Variants in MEI1 observed in about 807,000 individuals in gnomAD.
MEI1 encodes the protein meiotic double-stranded break formation protein 1, also known as meiosis inhibitor protein 1.
A neutral mutation model predicts 146.2 loss-of-function variants in MEI1; 103 were observed. The ratio of observed to expected loss-of-function variants is 0.70; its 90% CI spans 0.60 to 0.83. The LOEUF (loss-of-function observed/expected upper bound fraction) is 0.83, where lower values mean the gene tolerates loss of function less well. Among genes scored for constraint, MEI1 ranks in the 40% least tolerant of loss-of-function variants. MEI1 has a pLI of 0.00. For missense variants in MEI1, 1,529 were observed against 1,533.0 expected (o/e 1.00, Z 0.04); for synonymous variants, 652 against 628.2 (o/e 1.04, Z -0.57).
chr22:41,727,664 G>A (rs552173412), intron 7 of MEI1, among the ~76,000 whole-genome samples: 1 of 152,214 alleles, frequency 6.6e-6, no homozygotes, highest in East Asian at 1.9e-4. Flanking sequence ...AGGACTCAAC[G>A]TATAGTCATA....
chr22:41,736,254 CT>C (rs11308919), intron 11 of MEI1, among the ~76,000 whole-genome samples: 73,749 of 131,184 alleles, frequency 0.56, 21,461 homozygotes, highest in East Asian at 0.91. Flanking sequence ...TTTTCTTTTT[CT>C]TTTTTTTTTT....
intron 17 of MEI1, among the ~76,000 whole-genome samples, chr22:41,757,068 T>C (rs1473044211): frequency 1.3e-5 from 2 of 152,142 alleles, no homozygotes; most frequent in Non-Finnish European, 2.9e-5. Flanking sequence ...CTGCCTCTTT[T>C]CTCCTCACCC....
intron 30 of MEI1, among the ~76,000 whole-genome samples, chr22:41,797,036 C>T (rs983183371): frequency 1.3e-5 from 2 of 152,044 alleles, no homozygotes; most frequent in African/African-American, 4.8e-5. Context: ...CTTGCTTTGT[C>T]ACCCAGGCTG....
intron 21 of MEI1, 110 bp downstream of exon 21, chr22:41,776,377 A>G: frequency 8.2e-7 from 1 of 1,225,690 alleles, no homozygotes; most frequent in Non-Finnish European, 1.1e-6. Context: ...TTTTATCTGA[A>G]AAAGAAAGCC....
intron 26 of MEI1, 44 bp from the exon 27 acceptor site, chr22:41,793,785 T>C (rs780783596): frequency 4.6e-6 from 7 of 1,526,878 alleles, no homozygotes; most frequent in East Asian, 4.6e-5. Context: ...CCAAAAGCCA[T>C]TGGTAGCAAA....
At chr22:41,707,014 A>C (rs2147244490) in intron 3 of MEI1, among the ~76,000 whole-genome samples, 1 of 143,138 alleles carries the variant, frequency 7.0e-6, no homozygotes, top group East Asian at 2.1e-4. Flanking sequence ...AACATGGTGA[A>C]ACCCCATCTC....
At chr22:41,727,199 T>C (rs1420696158) in intron 7 of MEI1, among the ~76,000 whole-genome samples, 4 of 152,138 alleles carry the variant, frequency 2.6e-5, no homozygotes, top group African/African-American at 9.7e-5. Context: ...CAGACATTAG[T>C]AGTCTCATGT....
chr22:41,716,608 T>C (rs1170445699), intron 5 of MEI1, among the ~76,000 whole-genome samples: 7 of 151,614 alleles, frequency 4.6e-5, no homozygotes, highest in African/African-American at 7.3e-5. Context: ...CCTCCCAACC[T>C]CAGGTGATCC....
chr22:41,781,682 C>T lies in MEI1; in HGVS notation c.2927-3C>T, dbSNP rs1265628977. 6.2e-7 allele frequency: 1 copy of T among 1,612,426 alleles called. No homozygotes were observed. On this transcript the variant is annotated splice_polypyrimidine_tract_variant and splice_region_variant and intron_variant, in intron 23 of 30. Transcript: ENST00000401548. ...TGGGCCCTGCCTTGCCCACCCCCGA[C>T]AGCTGCTGCAGTGCTCCTGAGCAGC... is the stretch of plus-strand genomic sequence containing the variant.
At chr22:41,776,363 A>G in intron 21 of MEI1, 96 bp downstream of exon 21, 1 of 1,369,702 alleles carries the variant, frequency 7.3e-7, no homozygotes, top group Non-Finnish European at 1.0e-6. Flanking sequence ...AGAGAGAATC[A>G]GGGTTTTATC....
intron 19 of MEI1, among the ~76,000 whole-genome samples, chr22:41,764,398 A>C (rs1278708911): frequency 6.6e-6 from 1 of 152,234 alleles, no homozygotes; most frequent in Non-Finnish European, 1.5e-5. Flanking sequence ...AAAGAGAGAG[A>C]CAACAGGACA....
chr22:41,768,551 C>T (rs1279347582), intron 19 of MEI1, among the ~76,000 whole-genome samples: 1 of 152,050 alleles, frequency 6.6e-6, no homozygotes, highest in Non-Finnish European at 1.5e-5. Context: ...TTTATAAAGA[C>T]AAGAGATTTA....
chr22:41,773,037 G>A (rs1295098034), intron 20 of MEI1, among the ~76,000 whole-genome samples: 2 of 152,184 alleles, frequency 1.3e-5, no homozygotes, highest in Non-Finnish European at 2.9e-5. Flanking sequence ...AATATTAAAA[G>A]AAGCAAACCA....
chr22:41,781,447 C>A, intron 23 of MEI1, 53 bp downstream of exon 23: 1 of 1,434,664 alleles, frequency 7.0e-7, no homozygotes, highest in Non-Finnish European at 9.6e-7. Context: ...CTGTGGTCCT[C>A]TGTATCTCAA....
intron 8 of MEI1, among the ~76,000 whole-genome samples, chr22:41,730,298 T>G (rs2071741710): frequency 6.6e-6 from 1 of 152,200 alleles, no homozygotes; most frequent in Admixed American, 6.5e-5. Context: ...GCCTCTTCTC[T>G]GGGACTCAGT....
chr22:41,786,146 G>A (rs1277118504), intron 26 of MEI1, among the ~76,000 whole-genome samples: 5 of 150,520 alleles, frequency 3.3e-5, no homozygotes, highest in African/African-American at 1.2e-4. Context: ...TCCTGACCTC[G>A]TGATCCGCCC....
intron 14 of MEI1, among the ~76,000 whole-genome samples, chr22:41,746,685 A>T (rs1360407031): frequency 6.6e-6 from 1 of 152,166 alleles, no homozygotes; most frequent in South Asian, 2.1e-4. Context: ...TGGGCATCCT[A>T]TGAGCCTGTG....
At position 41,784,743 on chromosome 22, in the gene MEI1, T is replaced by C. The variant is rs1178637680; in HGVS notation, c.3305T>C (p.Val1102Ala). The C allele has an allele frequency of 3.7e-6, 6 of 1,612,486 alleles. No individual in the cohort carries two copies. The change falls in exon 26 of 31, where the codon GTC becomes GCC. Residue 1102 changes from valine (V) to alanine (A), a missense_variant. Physicochemically the swap from Val to Ala is moderately conservative, Grantham distance 64. Around this residue, in one of 3 missense-constraint regions of MEI1, gnomAD observed 313 missense variants for 337.3 expected, o/e 0.93. Transcript: ENST00000401548. ...CTAGCTCCACTGCGAATGTCGCAAG[T>C]CCGGTCCCTGGTCATTGGGCTGCAG... ...TVLAPLRMSQVRSLVIGLQNL... is the reference protein window; with the variant it reads ...TVLAPLRMSQARSLVIGLQNL...
chr22:41,731,107 A>C (rs1442562318), intron 9 of MEI1, among the ~76,000 whole-genome samples: 1 of 136,362 alleles, frequency 7.3e-6, no homozygotes, highest in East Asian at 2.2e-4. Context: ...AGGCTGGAGT[A>C]CAATGGCGTG....
Sources: gnomAD v4.1 joint callset for allele counts (sites outside exome capture counted in the v4.1 genomes callset) on GRCh38, gnomAD v4.1.1 for gene constraint, gnomAD v4.1.1 regional missense constraint, MANE v1.5 for transcripts, NCBI Gene and HGNC (gene_info 2026-07-23, HGNC 2026-07-21) for gene names.